Variants in ZNHIT3 observed in about 807,000 individuals in gnomAD.
The protein encoded by ZNHIT3 is zinc finger HIT domain-containing protein 3.
ZNHIT3 carries 27 observed loss-of-function variants against 19.9 expected under a neutral mutation model. The ratio of observed to expected loss-of-function variants is 1.36; its 90% CI spans 1.00 to 1.87. The LOEUF is 1.87. Among genes scored for constraint, ZNHIT3 ranks in the 40% most tolerant of loss-of-function variants. The pLI, the probability that ZNHIT3 is intolerant of heterozygous loss-of-function variation, is 0.00. For missense variants in ZNHIT3, 215 were observed against 185.6 expected (o/e 1.16, Z -0.92); for synonymous variants, 81 against 65.7 (o/e 1.23, Z -1.13).
chr17:36,487,207 A>G (rs535352200), intron 2 of ZNHIT3, among the ~76,000 whole-genome samples: 45 of 151,706 alleles, frequency 3.0e-4, no homozygotes, highest in African/African-American at 1.1e-3. Context: ...CCTTTCTTCT[A>G]CCCCGCTTCT....
chr17:36,487,425 TC>T (rs2070597496), intron 2 of ZNHIT3, among the ~76,000 whole-genome samples: 1 of 152,224 alleles, frequency 6.6e-6, no homozygotes, highest in Non-Finnish European at 1.5e-5. Flanking sequence ...CAAGGAGACG[TC>T]CTTGATTTGT....
chr17:36,488,310 C>G (rs1455606756), intron 2 of ZNHIT3, among the ~76,000 whole-genome samples: 1 of 151,952 alleles, frequency 6.6e-6, no homozygotes, highest in Non-Finnish European at 1.5e-5. Flanking sequence ...TTTGGGATGC[C>G]AAGGTGGGTG....
At chr17:36,497,320 GAAAA>G (rs112241229), downstream of ZNHIT3, among the ~76,000 whole-genome samples, 3 of 132,556 alleles carry the variant, frequency 2.3e-5, no homozygotes, top group South Asian at 2.5e-4. Context: ...TAAATAACAT[GAAAA>G]AAAAAAAAAA....
chr17:36,495,186 T>TA (rs1229085025), intron 4 of ZNHIT3, 37 bp from the exon 5 acceptor site: 1 of 1,535,492 alleles, frequency 6.5e-7, no homozygotes, highest in Admixed American at 2.2e-5. Flanking sequence ...TGTTTCCACT[T>TA]GAACTCAGAC....
intron 2 of ZNHIT3, among the ~76,000 whole-genome samples, chr17:36,488,994 G>A (rs1488925908): frequency 6.6e-6 from 1 of 152,190 alleles, no homozygotes; most frequent in Non-Finnish European, 1.5e-5. Flanking sequence ...CTAGCCTCCA[G>A]TTACCACTAT....
intron 2 of ZNHIT3, 186 bp from the exon 3 acceptor site, chr17:36,492,627 G>C: frequency 1.6e-6 from 1 of 607,880 alleles, no homozygotes; most frequent in Non-Finnish European, 2.9e-6. Context: ...TGCTTTCTCA[G>C]CCTGCTGGCG....
intron 2 of ZNHIT3, 175 bp from the exon 3 acceptor site, chr17:36,492,638 G>A (rs1417116929): frequency 8.0e-6 from 5 of 625,604 alleles, no homozygotes; most frequent in Non-Finnish European, 1.4e-5. Flanking sequence ...CCTGCTGGCG[G>A]TTTTCCTTAA....
At chr17:36,487,389 A>G (rs1236454150) in intron 2 of ZNHIT3, among the ~76,000 whole-genome samples, 3 of 152,248 alleles carry the variant, frequency 2.0e-5, no homozygotes, top group African/African-American at 7.2e-5. Flanking sequence ...CTTGTTAGAA[A>G]CAAAGAGGTA....
chr17:36,496,169 G>T, downstream of ZNHIT3: 1 of 1,540,768 alleles, frequency 6.5e-7, no homozygotes, highest in Non-Finnish European at 8.9e-7. Context: ...TGTGGGAATA[G>T]TCTGGCAGCT....
chr17:36,495,175 G>A (rs1410398000), intron 4 of ZNHIT3, 48 bp from the exon 5 acceptor site: 7 of 1,525,496 alleles, frequency 4.6e-6, no homozygotes, highest in Non-Finnish European at 5.3e-6. Flanking sequence ...CCATCTCCAT[G>A]TGTTTCCACT....
intron 2 of ZNHIT3, among the ~76,000 whole-genome samples, chr17:36,487,958 C>G (rs757995368): frequency 6.6e-6 from 1 of 150,474 alleles, no homozygotes; most frequent in Non-Finnish European, 1.5e-5. Flanking sequence ...CAAAGCCAGG[C>G]GTGGTGGCCT....
Position 36,486,966 on chromosome 17 carries a change from G to A in ZNHIT3, c.118G>A (p.Glu40Lys). 6.2e-7 allele frequency: 1 copy of A among 1,611,216 alleles called. No homozygotes were observed. Among genetic ancestry groups the A allele is most frequent in the East Asian group, 2.3e-5 (1 of 44,392 alleles). ...CSVVCFRKHK[E>K]QCNPETRPVE... The stretch of plus-strand genomic sequence containing the variant: ...GGTAGTCTGCTTCCGGAAGCACAAA[G>A]GTGAGCCCCGTCCCCGCCAGCCCTC... Residue 40 changes from glutamate (E) to lysine (K), a missense_variant and splice_region_variant, in exon 2 of 5, where the codon GAA becomes AAA. Transcript: ENST00000617429.
chr17:36,493,838 C>A (rs901606635), intron 3 of ZNHIT3, 88 bp from the exon 4 acceptor site: 13 of 892,612 alleles, frequency 1.5e-5, no homozygotes, highest in South Asian at 2.8e-5. Flanking sequence ...TGCGTGCACA[C>A]ATTTTTATCC....
At chr17:36,499,039 TC>T (rs1363048971), downstream of ZNHIT3, 1 of 1,533,886 alleles carries the variant, frequency 6.5e-7, no homozygotes, top group Non-Finnish European at 8.9e-7. Context: ...CCAAAATTGA[TC>T]CACTGCCCAC....
At chr17:36,487,400 A>G (rs1302439988) in intron 2 of ZNHIT3, among the ~76,000 whole-genome samples, 1 of 152,268 alleles carries the variant, frequency 6.6e-6, no homozygotes, top group Non-Finnish European at 1.5e-5. Flanking sequence ...CAAAGAGGTA[A>G]GTCCATGTAC....
chr17:36,487,821 AG>A, intron 2 of ZNHIT3, among the ~76,000 whole-genome samples: 1 of 133,422 alleles, frequency 7.5e-6, no homozygotes, highest in South Asian at 2.5e-4. Context: ...AGTTTGATGT[AG>A]GTGGGGCGCG....
downstream of ZNHIT3, chr17:36,498,525 T>C (rs914445593): frequency 6.2e-7 from 1 of 1,613,432 alleles, no homozygotes; most frequent in African/African-American, 1.3e-5. Flanking sequence ...TTCCACACCA[T>C]CCAGCTCTTT....
intron 3 of ZNHIT3, 56 bp from the exon 4 acceptor site, chr17:36,493,870 C>T: frequency 1.6e-6 from 2 of 1,248,908 alleles, no homozygotes; most frequent in Admixed American, 1.8e-5. Flanking sequence ...TGGTTAAAAT[C>T]TGGTGCCCAG....
At position 36,495,710 on chromosome 17, in the gene ZNHIT3, G is replaced by A. The variant is rs1336425332; in HGVS notation, c.*306G>A. On this transcript the variant is annotated 3_prime_UTR_variant, in exon 5 of 5. Transcript: ENST00000617429. ...ATATCAAGCTTACACTTCATATGGAGTTAAACTTGGTCAGTGTTAATAAAA... is the reference window on the plus strand; with the variant it reads ...ATATCAAGCTTACACTTCATATGGAATTAAACTTGGTCAGTGTTAATAAAA... 8.0e-7 allele frequency: 1 copy of A among 1,252,558 alleles called. No individual in the cohort carries two copies. Among genetic ancestry groups the A allele is most frequent in the Admixed American group, 3.8e-5 (1 of 26,260 alleles). The allele number at this position is 1,252,558 out of a possible 1,614,324, so 77.6% of individuals were successfully genotyped here.
Sources: gnomAD v4.1 joint callset for allele counts (sites outside exome capture counted in the v4.1 genomes callset) on GRCh38, gnomAD v4.1.1 for gene constraint, MANE v1.5 for transcripts, NCBI Gene and HGNC (gene_info 2026-07-23, HGNC 2026-07-21) for gene names.